The following FSTL4 variants were observed in gnomAD, a reference collection of about 807,000 sequenced individuals.
The protein encoded by FSTL4 is follistatin-related protein 4.
A neutral mutation model predicts 78.2 loss-of-function variants in FSTL4; 28 were observed. The ratio of observed to expected loss-of-function variants is 0.36; its 90% CI spans 0.27 to 0.49. The LOEUF (loss-of-function observed/expected upper bound fraction) is 0.49. Ranked by LOEUF, FSTL4 falls within the 20% of genes least tolerant of loss-of-function variation. The probability of loss-of-function intolerance (pLI) is 0.98; values close to 1 mark genes in which losing one functional copy is unlikely to be tolerated. For synonymous variants in FSTL4, 422 were observed against 440.5 expected (o/e 0.96, Z 0.53); for missense variants, 922 against 1,084.9 (o/e 0.85, Z 2.11).
At chr5:133,313,171 C>T (rs1753828460) in intron 5 of FSTL4, among the ~76,000 whole-genome samples, 1 of 152,228 alleles carries the variant, frequency 6.6e-6, no homozygotes, top group African/African-American at 2.4e-5. Flanking sequence ...AGTGGCTGAA[C>T]TCAGTGTGGG....
chr5:133,699,194 T>C, the FSTL4 span, among the ~76,000 whole-genome samples: 1 of 152,120 alleles, frequency 6.6e-6, no homozygotes, highest in East Asian at 1.9e-4. Flanking sequence ...AGACTTGGTA[T>C]GATGTCACTT....
the FSTL4 span, among the ~76,000 whole-genome samples, chr5:133,684,553 C>A: frequency 6.6e-6 from 1 of 152,206 alleles, no homozygotes; most frequent in African/African-American, 2.4e-5. Flanking sequence ...CCCATTGAGG[C>A]CTTTCTTTAA....
chr5:133,421,997 G>T (rs1458470725), intron 3 of FSTL4, among the ~76,000 whole-genome samples: 1 of 152,164 alleles, frequency 6.6e-6, no homozygotes, highest in African/African-American at 2.4e-5. Flanking sequence ...GGTCAGGGAG[G>T]GCTTCTTGGA....
chr5:133,688,844 G>A, the FSTL4 span, among the ~76,000 whole-genome samples: 12 of 152,106 alleles, frequency 7.9e-5, no homozygotes, highest in Admixed American at 1.3e-4. Context: ...TCCCTACCAC[G>A]GGGCCAGGGA....
chr5:133,323,781 T>TTG (rs1754133986), intron 4 of FSTL4, among the ~76,000 whole-genome samples: 1 of 152,222 alleles, frequency 6.6e-6, no homozygotes, highest in Admixed American at 6.5e-5. Flanking sequence ...ATTGATCAGC[T>TTG]TGCCGAGGAG....
chr5:133,334,540 C>T (rs34420437), intron 4 of FSTL4, among the ~76,000 whole-genome samples: 22,921 of 151,984 alleles, frequency 0.15, 1,903 homozygotes, highest in East Asian at 0.34. Context: ...GTGCTGGTTA[C>T]GCAGATATGT....
At chr5:133,623,434 C>T in the FSTL4 span, among the ~76,000 whole-genome samples, 7 of 151,940 alleles carry the variant, frequency 4.6e-5, no homozygotes, top group African/African-American at 1.4e-4. Flanking sequence ...CCTGGGATAA[C>T]TCAATATCCA....
intron 6 of FSTL4, among the ~76,000 whole-genome samples, chr5:133,300,024 G>C (rs17682948): frequency 0.17 from 26,120 of 152,086 alleles, 2,631 homozygotes; most frequent in African/African-American, 0.27. Flanking sequence ...CATATTTTCT[G>C]TGTTTTCCCA....
intron 5 of FSTL4, among the ~76,000 whole-genome samples, chr5:133,315,896 C>G (rs556530503): frequency 6.6e-6 from 1 of 152,184 alleles, no homozygotes; most frequent in African/African-American, 2.4e-5. Context: ...CCTTGTAGCT[C>G]GACAAAGGAC....
intron 4 of FSTL4, among the ~76,000 whole-genome samples, chr5:133,350,727 A>T (rs76410341): frequency 6.6e-6 from 1 of 152,290 alleles, no homozygotes; most frequent in Non-Finnish European, 1.5e-5. Flanking sequence ...ATCTCAGTTC[A>T]TCATTCTGCC....
chr5:133,687,089 G>A, the FSTL4 span, among the ~76,000 whole-genome samples: 2 of 152,176 alleles, frequency 1.3e-5, no homozygotes, highest in Non-Finnish European at 2.9e-5. Context: ...AGGTTGCACA[G>A]TGGGACGAGC....
chr5:133,570,879 T>C (rs183368931), intron 2 of FSTL4, among the ~76,000 whole-genome samples: 1 of 152,250 alleles, frequency 6.6e-6, no homozygotes, highest in East Asian at 1.9e-4. Context: ...AAACAGAATA[T>C]AATATTCTAG....
chr5:133,711,378 C>T, the FSTL4 span, among the ~76,000 whole-genome samples: 1 of 152,192 alleles, frequency 6.6e-6, no homozygotes, highest in Non-Finnish European at 1.5e-5. Flanking sequence ...GAAGGAAAGG[C>T]ACTAACTGGA....
chr5:133,241,547 T>G (rs749388941), intron 7 of FSTL4, among the ~76,000 whole-genome samples: 6 of 152,164 alleles, frequency 3.9e-5, no homozygotes, highest in Middle Eastern at 3.2e-3. Flanking sequence ...AAATACCTCT[T>G]GACATGCCAG....
the FSTL4 span, among the ~76,000 whole-genome samples, chr5:133,841,717 G>A: frequency 1.3e-5 from 2 of 152,246 alleles, no homozygotes; most frequent in East Asian, 3.8e-4. Context: ...GGCCCCAGCT[G>A]ATGATGCTCC....
intron 2 of FSTL4, among the ~76,000 whole-genome samples, chr5:133,577,993 A>G (rs936481175): frequency 6.6e-6 from 1 of 152,206 alleles, no homozygotes; most frequent in Admixed American, 6.5e-5. Context: ...TGTCCCCTCT[A>G]TTGCCTATCT....
intron 2 of FSTL4, among the ~76,000 whole-genome samples, chr5:133,596,820 C>G (rs1405422554): frequency 6.6e-6 from 1 of 152,244 alleles, no homozygotes; most frequent in East Asian, 1.9e-4. Context: ...GCAGGCCACT[C>G]ACACTCATTC....
intron 8 of FSTL4, among the ~76,000 whole-genome samples, chr5:133,231,233 A>C (rs1751487356): frequency 6.6e-6 from 1 of 150,628 alleles, no homozygotes; most frequent in Non-Finnish European, 1.5e-5. Flanking sequence ...ACTATGCCCC[A>C]TTTTTCTCCT....
At chr5:133,313,943 A>G (rs1399656725) in intron 5 of FSTL4, among the ~76,000 whole-genome samples, 1 of 152,162 alleles carries the variant, frequency 6.6e-6, no homozygotes, top group East Asian at 1.9e-4. Flanking sequence ...GATTTATGAA[A>G]TGGACTTTAA....
Sources: gnomAD v4.1 joint callset for allele counts (sites outside exome capture counted in the v4.1 genomes callset) on GRCh38, gnomAD v4.1.1 for gene constraint, MANE v1.5 for transcripts, NCBI Gene and HGNC (gene_info 2026-07-23, HGNC 2026-07-21) for gene names.